Variants in AKT3 observed in about 807,000 individuals in gnomAD.
The protein encoded by AKT3 is RAC-gamma serine/threonine-protein kinase.
A neutral mutation model predicts 65.3 loss-of-function variants in AKT3; 15 were observed. The ratio of observed to expected loss-of-function variants is 0.23; its 90% confidence interval spans 0.15 to 0.35. The LOEUF (loss-of-function observed/expected upper bound fraction) is 0.35, where lower values mean the gene tolerates loss of function less well. AKT3 is among the 10% of genes least tolerant of loss of function. The probability of loss-of-function intolerance (pLI) is 1.00; values close to 1 mark genes in which losing one functional copy is unlikely to be tolerated. For missense variants in AKT3, 243 were observed against 576.5 expected, an observed-to-expected ratio of 0.42 and a Z score of 5.92; for synonymous variants, 206 against 183.8, an observed-to-expected ratio of 1.12 and a Z score of -0.98.
In AKT3 at chr1:243,499,791, A is replaced by G; in HGVS notation, c.*5458T>C. ...TGCCACAATCTGATTGCTGACCTGGATGGAACAGAGTGAAATAAATGATTT... is the reference window on the plus strand; with the variant it reads ...TGCCACAATCTGATTGCTGACCTGGGTGGAACAGAGTGAAATAAATGATTT... On this transcript the variant is annotated 3_prime_UTR_variant, in exon 14 of 14. Coordinates refer to ENST00000673466, the MANE Select transcript of AKT3 (RefSeq NM_005465.7). 6.2e-7 allele frequency: 1 copy of G among 1,612,388 alleles called. No individual in the cohort carries two copies. The highest frequency in any genetic ancestry group is 8.5e-7 in the Non-Finnish European group (1 of 1,178,780).
At chr1:243,556,674 A>T (rs796191426) in intron 10 of AKT3, among the ~76,000 whole-genome samples, 22 of 152,262 alleles carry the variant, frequency 1.4e-4, no homozygotes, top group African/African-American at 5.3e-4. Flanking sequence ...TAATTCAAAA[A>T]AAAAGTTTTT....
intron 8 of AKT3, among the ~76,000 whole-genome samples, chr1:243,576,938 A>G (rs1370146405): frequency 2.0e-5 from 3 of 152,238 alleles, no homozygotes; most frequent in Non-Finnish European, 2.9e-5. Flanking sequence ...AAGCAAAAAG[A>G]ACAAAGCTGG....
intron 2 of AKT3, among the ~76,000 whole-genome samples, chr1:243,772,023 C>T (rs998438537): frequency 3.3e-5 from 5 of 152,242 alleles, no homozygotes; most frequent in East Asian, 1.9e-4. Flanking sequence ...CCTTACAACT[C>T]ATACAAAAAT....
At chr1:243,837,924 A>G (rs1694994325) in intron 2 of AKT3, among the ~76,000 whole-genome samples, 1 of 152,216 alleles carries the variant, frequency 6.6e-6, no homozygotes, top group Admixed American at 6.5e-5. Context: ...AGGCATAAAG[A>G]TTGGAAAGGA....
At chr1:243,563,569 A>C in intron 10 of AKT3, 151 bp downstream of exon 10, 1 of 810,772 alleles carries the variant, frequency 1.2e-6, no homozygotes, top group African/African-American at 1.7e-5. Context: ...ACAATACCCC[A>C]TTATAACAAA....
chr1:243,747,888 T>C (rs560330732), intron 2 of AKT3, among the ~76,000 whole-genome samples: 40 of 152,316 alleles, frequency 2.6e-4, no homozygotes, highest in African/African-American at 7.2e-4. Flanking sequence ...TAAGAGTCAG[T>C]AATGAAACGA....
chr1:243,645,697 T>C (rs940734054), intron 5 of AKT3, among the ~76,000 whole-genome samples, 196 bp downstream of exon 5: 11 of 152,218 alleles, frequency 7.2e-5, no homozygotes, highest in African/African-American at 2.4e-4. Context: ...AGTGCTAAAG[T>C]GCTGGATCAC....
At chr1:243,722,983 C>CATT (rs1558754328) in intron 2 of AKT3, among the ~76,000 whole-genome samples, 1 of 152,070 alleles carries the variant, frequency 6.6e-6, no homozygotes, top group Non-Finnish European at 1.5e-5. Flanking sequence ...TGTTTTAATA[C>CATT]ATTAGTTTAC....
chr1:243,662,475 A>G (rs1246331641), intron 4 of AKT3, among the ~76,000 whole-genome samples: 1 of 148,346 alleles, frequency 6.7e-6, no homozygotes, highest in Non-Finnish European at 1.5e-5. Flanking sequence ...CAAACACCAC[A>G]TATTCTCACT....
chr1:243,697,911 T>C (rs999303664), intron 2 of AKT3, among the ~76,000 whole-genome samples: 5 of 151,652 alleles, frequency 3.3e-5, no homozygotes, highest in African/African-American at 1.2e-4. Context: ...AATGAATAAA[T>C]AGAGGATACG....
chr1:243,533,501 A>G (rs1671686688), intron 12 of AKT3, among the ~76,000 whole-genome samples: 1 of 152,230 alleles, frequency 6.6e-6, no homozygotes, highest in Non-Finnish European at 1.5e-5. Context: ...TTAAAAGAGG[A>G]CTTGAATTAG....
At chr1:243,705,769 G>A (rs1466826468) in intron 2 of AKT3, among the ~76,000 whole-genome samples, 2 of 151,982 alleles carry the variant, frequency 1.3e-5, no homozygotes, top group East Asian at 1.9e-4. Flanking sequence ...CAATCTGTAC[G>A]CAGCCTCCTG....
intron 12 of AKT3, among the ~76,000 whole-genome samples, chr1:243,527,926 CACACACACACAGAGAGAGAG>C (rs1259427957): frequency 1.6e-4 from 10 of 62,338 alleles, no homozygotes; most frequent in African/African-American, 6.0e-4. Context: ...CACACACACA[CACACACACACAGAGAGAGAG>C]AGAGAGAGAG....
In AKT3 at chr1:243,516,006, A is replaced by G. The variant is rs1670330153; in HGVS notation, c.1252-3580T>C. Among the ~76,000 whole-genome samples the G allele has an allele frequency of 3.3e-5, 5 of 152,094 alleles. No homozygotes were observed. In the South Asian group the frequency reaches 1.0e-3, roughly 32 times the overall value. ...AAAAAAAAAAATCTCTTGCATATTG[A>G]TATCAAGTTAATACCTGCCTCACAG... On this transcript the variant is annotated intron_variant, in intron 12 of 13. Coordinates refer to ENST00000673466, the MANE Select transcript of AKT3 (RefSeq NM_005465.7).
chr1:243,813,558 T>C (rs1693321643), intron 2 of AKT3, among the ~76,000 whole-genome samples: 1 of 151,984 alleles, frequency 6.6e-6, no homozygotes, highest in South Asian at 2.1e-4. Context: ...CAATATAACG[T>C]TAGATTTTTA....
chr1:243,843,522 T>C (rs1004762534), intron 1 of AKT3: 2 of 1,080,648 alleles, frequency 1.9e-6, no homozygotes, highest in Non-Finnish European at 1.1e-6. Context: ...AAAAAAGTCT[T>C]AAGAAAACCA....
At position 243,499,940 on chromosome 1, in the gene AKT3, C is replaced by T. The variant is rs561213869; in HGVS notation, c.*5309G>A. On this transcript the variant is annotated 3_prime_UTR_variant, in exon 14 of 14. Transcript: ENST00000673466. ...TCCTCATCAACGCGGGCGCTGTCCC[C>T]GCACGCAGTCGGGCTGGAGCTGGAG... 2.1e-5 allele frequency: 15 copies of T among 704,872 alleles called. No individual in the cohort carries two copies. The highest frequency in any genetic ancestry group is 1.2e-4 in the South Asian group (8 of 64,936). 43.7% of individuals were successfully genotyped at this position (704,872 alleles called of 1,614,324 possible).
intron 10 of AKT3, 73 bp downstream of exon 10, chr1:243,563,647 T>C (rs375424384): frequency 6.6e-7 from 1 of 1,506,774 alleles, no homozygotes; most frequent in Non-Finnish European, 8.8e-7. Context: ...CAGTTAACTT[T>C]TAATGCTTAA....
At chr1:243,563,929 C>T in intron 9 of AKT3, 81 bp from the exon 10 acceptor site, 1 of 1,379,956 alleles carries the variant, frequency 7.2e-7, no homozygotes, top group Non-Finnish European at 9.8e-7. Context: ...CTACTGAATG[C>T]TGAGTAAGGT....
Sources: allele counts gnomAD v4.1 joint callset (sites outside exome capture counted in the v4.1 genomes callset), GRCh38; gene constraint gnomAD v4.1.1; transcripts MANE v1.5; gene names NCBI Gene and HGNC (gene_info 2026-07-23, HGNC 2026-07-21).